The following SLCO3A1 variants were observed in gnomAD, a reference collection of about 807,000 sequenced individuals.
SLCO3A1 encodes solute carrier organic anion transporter family member 3A1.
In SLCO3A1, 27 loss-of-function variants were observed where a neutral mutation model predicts 63.1. That is an observed-to-expected ratio of 0.43 (90% confidence interval 0.32 to 0.59). The LOEUF (loss-of-function observed/expected upper bound fraction) is 0.59, where lower values mean the gene tolerates loss of function less well. Ranked by LOEUF, SLCO3A1 falls within the 20% of genes least tolerant of loss-of-function variation. The probability of loss-of-function intolerance (pLI) is 0.09; values close to 1 mark genes in which losing one functional copy is unlikely to be tolerated. For synonymous variants in SLCO3A1, 473 were observed against 409.9 expected (o/e 1.15, Z -1.86); for missense variants, 773 against 945.8 (o/e 0.82, Z 2.40).
chr15:92,150,141 C>T (rs745631186), intron 8 of SLCO3A1, among the ~76,000 whole-genome samples: 1 of 152,110 alleles, frequency 6.6e-6, no homozygotes, highest in Non-Finnish European at 1.5e-5. Context: ...AACTGAAGAA[C>T]TAGGAGTCCA....
chr15:92,168,526 G>T (rs1443026414), downstream of SLCO3A1, among the ~76,000 whole-genome samples: 2 of 152,188 alleles, frequency 1.3e-5, no homozygotes. Context: ...CTGAGGGAAG[G>T]CCATCGTGTG....
At position 91,967,639 on chromosome 15, in the gene SLCO3A1, G is replaced by C. The variant is rs1352237429; in HGVS notation, c.646+51181G>C. On this transcript the variant is annotated intron_variant, in intron 2 of 9. Transcript: ENST00000318445. This position sits in a 1 kb window ranked among gnomAD's most constrained non-coding sequence, Gnocchi z 4.4. The stretch of plus-strand genomic sequence containing the variant: ...TGAAATAAATTAAACCCGTTTTACA[G>C]ATGGATTAATTGTTTTGTCCTTGTT... Among the ~76,000 whole-genome samples, 1 of 152,226 alleles carries C rather than the reference G, an allele frequency of 6.6e-6. No individual in the cohort carries two copies. The highest frequency in any genetic ancestry group is 1.5e-5 in the Non-Finnish European group (1 of 68,040).
chr15:92,014,474 A>T (rs2046403584), intron 2 of SLCO3A1, among the ~76,000 whole-genome samples: 1 of 152,110 alleles, frequency 6.6e-6, no homozygotes, highest in South Asian at 2.1e-4. Context: ...TGGGCACCAA[A>T]CTATACTTGC....
chr15:91,933,105 T>C (rs1899292088), intron 2 of SLCO3A1, among the ~76,000 whole-genome samples: 2 of 151,576 alleles, frequency 1.3e-5, no homozygotes, highest in African/African-American at 4.8e-5. Context: ...AAATTTAAGA[T>C]TTTTTTTTCG....
rs1389838257 is a variant in SLCO3A1 at position 91,875,353 on chromosome 15, T to TC, written c.180+21270dup. ...CCTCCCACTGTGGATCATGGTCTCC[T>TC]CCCCCAGCTCCATGGCATGATGTTG... is the stretch of plus-strand genomic sequence containing the variant. On this transcript the variant is annotated intron_variant, in intron 1 of 9. Transcript: ENST00000318445. The surrounding 1 kb of genome is among the most constrained non-coding windows in gnomAD (Gnocchi z 4.5). 4.6e-5 allele frequency among the ~76,000 whole-genome samples: 7 copies of TC among 152,218 alleles called. No individual in the cohort carries two copies. The highest frequency in any genetic ancestry group is 1.7e-4 in the African/African-American group (7 of 41,534).
chr15:92,116,954 TTCAG>T (rs1250437094), intron 4 of SLCO3A1, among the ~76,000 whole-genome samples: 2 of 152,316 alleles, frequency 1.3e-5, no homozygotes, highest in East Asian at 3.9e-4. Context: ...AGTCAAATGA[TTCAG>T]TCAAATCATT....
chr15:92,051,955 G>T (rs982320796), intron 2 of SLCO3A1, among the ~76,000 whole-genome samples: 1 of 152,150 alleles, frequency 6.6e-6, no homozygotes, highest in Non-Finnish European at 1.5e-5. Context: ...GGAGCAGTTG[G>T]TGATGACCTC....
intron 2 of SLCO3A1, among the ~76,000 whole-genome samples, chr15:91,998,212 G>C (rs2046214263): frequency 6.6e-6 from 1 of 152,206 alleles, no homozygotes; most frequent in Non-Finnish European, 1.5e-5. Context: ...CCAGCACTTT[G>C]GGAGGCCAAG....
chr15:91,999,041 A>C (rs1203770425), intron 2 of SLCO3A1, among the ~76,000 whole-genome samples: 1 of 152,230 alleles, frequency 6.6e-6, no homozygotes, highest in African/African-American at 2.4e-5. Context: ...AGGAACAGAA[A>C]ATCAAATACC....
chr15:91,876,442 G>A (rs934250470), intron 1 of SLCO3A1, among the ~76,000 whole-genome samples: 3 of 152,294 alleles, frequency 2.0e-5, no homozygotes, highest in Non-Finnish European at 2.9e-5. Context: ...CACATGGAGC[G>A]GTCTGGATGT....
In SLCO3A1 at chr15:91,859,629, G is replaced by A. The variant is rs569199384; in HGVS notation, c.180+5541G>A. Among the ~76,000 whole-genome samples the A allele has an allele frequency of 1.9e-4, 29 of 152,252 alleles. No individual in the cohort carries two copies. Among genetic ancestry groups the A allele is most frequent in the African/African-American group, 4.1e-4 (17 of 41,552 alleles). ...CTTACCTGCTCTGTGACCTTGAGCT[G>A]TTTACTTAATCTCTGTGTACCTCAA... On this transcript the variant is annotated intron_variant, in intron 1 of 9. Coordinates refer to ENST00000318445, the MANE Select transcript of SLCO3A1 (RefSeq NM_013272.4). The surrounding 1 kb of genome is among the most constrained non-coding windows in gnomAD (Gnocchi z 5.1).
intron 2 of SLCO3A1, among the ~76,000 whole-genome samples, chr15:91,940,059 C>T (rs988926320): frequency 6.6e-6 from 1 of 152,132 alleles, no homozygotes; most frequent in Non-Finnish European, 1.5e-5. Flanking sequence ...CCATTGGGCC[C>T]TAAGCTCTTC....
At chr15:92,116,302 G>A (rs2047794229) in intron 4 of SLCO3A1, among the ~76,000 whole-genome samples, 1 of 152,176 alleles carries the variant, frequency 6.6e-6, no homozygotes. Flanking sequence ...AAGTTTCCAA[G>A]AACTCTTAAT....
chr15:92,151,362 T>G (rs945727974), intron 9 of SLCO3A1: 1 of 199,602 alleles, frequency 5.0e-6, no homozygotes, highest in African/African-American at 2.3e-5. Flanking sequence ...GCTTCATTTA[T>G]GGGGCCGCCA....
chr15:91,864,924 G>A lies in SLCO3A1; in HGVS notation c.180+10836G>A, dbSNP rs190278785. On this transcript the variant is annotated intron_variant, in intron 1 of 9. Transcript: ENST00000318445. The stretch of plus-strand genomic sequence containing the variant: ...GACCCCATCAGTGTCACGCCTCACC[G>A]TCCCTGACAGGATGTCACAGTCACA... Among the ~76,000 whole-genome samples the A allele has an allele frequency of 6.6e-5, 10 of 152,244 alleles. No homozygotes were observed. The East Asian group carries it at 1.2e-3, about 18-fold the overall frequency.
At chr15:92,172,262 A>C (rs1192395407) in exon 11 of SLCO3A1, 1 of 174,798 alleles carries the variant, frequency 5.7e-6, no homozygotes, top group African/African-American at 2.4e-5. Context: ...GGTAAAAACC[A>C]ACCTGTTGCA....
downstream of SLCO3A1, among the ~76,000 whole-genome samples, chr15:92,166,123 G>T (rs541528545): frequency 6.6e-6 from 1 of 152,134 alleles, no homozygotes; most frequent in East Asian, 1.9e-4. Context: ...TTGCAAAAAT[G>T]CCTCTCTAGG....
intron 2 of SLCO3A1, among the ~76,000 whole-genome samples, chr15:91,937,045 G>A (rs1899438476): frequency 6.6e-6 from 1 of 152,182 alleles, no homozygotes; most frequent in African/African-American, 2.4e-5. Context: ...AGAGAGCCAG[G>A]ATGCCTTTGT....
intron 2 of SLCO3A1, among the ~76,000 whole-genome samples, chr15:92,021,605 G>C (rs540926634): frequency 6.6e-6 from 1 of 152,018 alleles, no homozygotes; most frequent in Admixed American, 6.6e-5. Flanking sequence ...ATAGATTTCC[G>C]TAATAGTTTT....
Sources: allele counts gnomAD v4.1 joint callset (sites outside exome capture counted in the v4.1 genomes callset), GRCh38; gene constraint gnomAD v4.1.1; non-coding constraint Gnocchi (gnomAD v3.1); transcripts MANE v1.5; gene names NCBI Gene and HGNC (gene_info 2026-07-23, HGNC 2026-07-21).